The following MFRP variants were observed in gnomAD, a reference collection of about 807,000 sequenced individuals.
MFRP encodes the protein C1q and TNF related 5.
Under a neutral mutation model 65.8 loss-of-function variants are expected in MFRP, and 74 were observed. That is an observed-to-expected ratio of 1.12 (90% CI 0.93 to 1.36). The LOEUF is 1.36. Ranked by LOEUF, MFRP falls within the 40% of genes most tolerant of loss-of-function variation. The probability of loss-of-function intolerance (pLI) is 0.00; values close to 1 mark genes in which losing one functional copy is unlikely to be tolerated. For missense variants in MFRP, 838 were observed against 736.0 expected, an observed-to-expected ratio of 1.14 and a Z score of -1.60; for synonymous variants, 336 against 288.3, an observed-to-expected ratio of 1.17 and a Z score of -1.68.
rs779284947 is a variant in MFRP, at chr11:119,346,362, T to A, written c.67A>T (p.Asn23Tyr). 1.7e-5 allele frequency: 27 copies of A among 1,613,908 alleles called. No homozygotes were observed. The highest frequency in any genetic ancestry group is 2.3e-5 in the Non-Finnish European group (27 of 1,179,998). The change falls in exon 2 of 15, where the codon AAT becomes TAT. Residue 23 changes from asparagine to tyrosine, a missense_variant. By Grantham distance (143) the Asn-to-Tyr change is moderately radical. Coordinates refer to ENST00000619721, the MANE Select transcript of MFRP (RefSeq NM_031433.4). Reference sequence around the variant, plus strand: ...CCAGACTCAGGCTCGAAGGCAGGATTGCAGAACTCGGTCTGGAAGGGGGAG... The same window carrying A: ...CCAGACTCAGGCTCGAAGGCAGGATAGCAGAACTCGGTCTGGAAGGGGGAG... ...ATESSKTEFC[N>Y]PAFEPESGPP...
chr11:119,344,980 G>C lies in MFRP; in HGVS notation c.666C>G (p.Pro222=), dbSNP rs765386106. 2.1e-5 allele frequency: 34 copies of C among 1,607,078 alleles called. No homozygotes were observed. In the African/African-American group the frequency reaches 2.5e-4, roughly 12 times the overall value. ...GGTGGCTGGCATTGGTGTTGAGCGT[G>C]GGGGGAGGCACCCTTCCACAAACCC... ...LLRVCGRVPP[P]TLNTNASHLL... Residue 222 remains proline, a synonymous_variant, in exon 6 of 15, where the codon CCC becomes CCG. Coordinates refer to ENST00000619721, the MANE Select transcript of MFRP (RefSeq NM_031433.4).
At position 119,341,683 on chromosome 11, in the gene MFRP, C is replaced by T; in HGVS notation, c.1605G>A (p.Leu535=). The change falls in exon 13 of 15, where the codon CTG becomes CTA. Residue 535 remains leucine, a synonymous_variant. Transcript: ENST00000619721. ...VPRCTPLGSV[L]PPCRSVCQEA... Reference sequence around the variant, plus strand: ...CCTGGCAGACAGAGCGGCAAGGGGGCAGAACACTGCCTAGTGGGGTGCAAC... The same window carrying T: ...CCTGGCAGACAGAGCGGCAAGGGGGTAGAACACTGCCTAGTGGGGTGCAAC... 6.2e-7 allele frequency: 1 copy of T among 1,613,106 alleles called. No homozygotes were observed. Among genetic ancestry groups the T allele is most frequent in the South Asian group, 1.1e-5 (1 of 91,086 alleles).
chr11:119,343,077 T>C, intron 9 of MFRP, 74 bp from the exon 10 acceptor site: 1 of 1,535,940 alleles, frequency 6.5e-7, no homozygotes, highest in East Asian at 2.4e-5. Flanking sequence ...CCCACAGGCC[T>C]GGCTCTGAGC....
chr11:119,340,133 G>A (rs2135365175), intron 14 of MFRP, 51 bp downstream of exon 14: 1 of 1,488,278 alleles, frequency 6.7e-7, no homozygotes, highest in Non-Finnish European at 8.9e-7. Context: ...TGGAGCTGCG[G>A]CCGCGCCTGC....
rs1375569297 is a variant in MFRP, at chr11:119,344,384, C to T, written c.906G>A (p.Gly302=). ...TGCCCTGGAGGCCAGTCAGATTCCC[C>T]CCACACCCTGTAGAGAGGTGGAAGG... ...TNCSAKFSGC[G]GNLTGLQGTF... is the part of the protein sequence containing the mutation. Residue 302 remains glycine, a synonymous_variant, in exon 8 of 15, where the codon GGG becomes GGA. Transcript: ENST00000619721. The T allele has an allele frequency of 2.5e-6, 4 of 1,613,594 alleles. No homozygotes were observed. The highest frequency in any genetic ancestry group is 2.2e-5 in the South Asian group (2 of 91,036).
At position 119,346,500 on chromosome 11, in the gene MFRP, G is replaced by A. The variant is rs1242255514; in HGVS notation, c.14C>T (p.Ser5Leu). 6.2e-7 allele frequency: 1 copy of A among 1,614,094 alleles called. No individual in the cohort carries two copies. The highest frequency in any genetic ancestry group is 2.2e-5 in the East Asian group (1 of 44,886). Reference sequence around the variant, plus strand: ...TGCCTCCATGCAGAGGATGACATCTGAGAAGTCCTTCATGGCACAAGGCTC... The same window carrying A: ...TGCCTCCATGCAGAGGATGACATCTAAGAAGTCCTTCATGGCACAAGGCTC... MKDFSDVILCMEATE... is the reference protein window; with the variant it reads MKDFLDVILCMEATE... The change falls in exon 1 of 15, where the codon TCA becomes TTA. Residue 5 changes from serine to leucine, a missense_variant. Transcript: ENST00000619721.
chr11:119,346,631 G>T lies in MFRP; in HGVS notation c.-118C>A, dbSNP rs955223431. On this transcript the variant is annotated 5_prime_UTR_variant, in exon 1 of 15. Transcript: ENST00000619721. ...GCAGCCTCTACTACCCGAGGGAAAA[G>T]GCTGCCAGGCTAGACCAGTTCTTGG... The T allele has an allele frequency of 3.3e-5, 34 of 1,026,796 alleles. No homozygotes were observed. The highest frequency in any genetic ancestry group is 4.8e-5 in the Non-Finnish European group (32 of 660,390). 63.6% of individuals were successfully genotyped at this position (1,026,796 alleles called of 1,614,324 possible).
chr11:119,341,784 G>T lies in MFRP; in HGVS notation c.1516-12C>A. ...AGGCTTGTCAGGCTCTGCGGAGGGA[G>T]AGTGGCCTTCAGGCACCTGCTCCCA... On this transcript the variant is annotated splice_polypyrimidine_tract_variant and intron_variant, in intron 12 of 14. Coordinates refer to ENST00000619721, the MANE Select transcript of MFRP (RefSeq NM_031433.4). 1 of 1,613,238 alleles carries T rather than the reference G, an allele frequency of 6.2e-7. No individual in the cohort carries two copies. The highest frequency in any genetic ancestry group is 8.5e-7 in the Non-Finnish European group (1 of 1,179,976).
At chr11:119,345,265 T>A (rs370697811) in intron 5 of MFRP, among the ~76,000 whole-genome samples, 155 bp downstream of exon 5, 1 of 152,220 alleles carries the variant, frequency 6.6e-6, no homozygotes, top group African/African-American at 2.4e-5. Context: ...GTGATCTTCC[T>A]CACGGCACAC....
Position 119,344,979 on chromosome 11 carries a change from TG to T in MFRP, c.666del (p.Thr223ArgfsTer83), listed in dbSNP as rs1435204327. The T allele has an allele frequency of 3.1e-6, 5 of 1,607,030 alleles. No individual in the cohort carries two copies. The highest frequency in any genetic ancestry group is 1.7e-5 in the Admixed American group (1 of 58,716). ...LLRVCGRVPPPTLNTNASHLL... is the reference protein window; with the variant it reads ...LLRVCGRVPPXTLNTNASHLL... ...AGGTGGCTGGCATTGGTGTTGAGCGTGGGGGGAGGCACCCTTCCACAAACCC... is the reference window on the plus strand; with the variant it reads ...AGGTGGCTGGCATTGGTGTTGAGCGTGGGGGAGGCACCCTTCCACAAACCC... On this transcript the variant is annotated frameshift_variant, in exon 6 of 15. Transcript: ENST00000619721. LOFTEE classifies it high-confidence loss of function.
In MFRP at chr11:119,341,868, TGAG is replaced by T. The variant is rs759673311; in HGVS notation, c.1501_1503del (p.Leu501del). On this transcript the variant is annotated inframe_deletion, in exon 12 of 15. Transcript: ENST00000619721. ...TCCACCCAGAAGACCTTGTAACCGC[TGAG>T]GACCTCTACCACCTCCTCCTGGGTG... 6.2e-7 allele frequency: 1 copy of T among 1,613,538 alleles called. No homozygotes were observed. The highest frequency in any genetic ancestry group is 1.1e-5 in the South Asian group (1 of 91,064).
chr11:119,339,823 G>A lies in MFRP; in HGVS notation c.*1136C>T, dbSNP rs1950481374. ...CGGGTCCCGCCTCTCCTCGCGGCCCGGGGTCCCCTCGAGGTCCCGGCAGTC... is the reference window on the plus strand; with the variant it reads ...CGGGTCCCGCCTCTCCTCGCGGCCCAGGGTCCCCTCGAGGTCCCGGCAGTC... On this transcript the variant is annotated 3_prime_UTR_variant, in exon 15 of 15. Coordinates refer to ENST00000619721, the MANE Select transcript of MFRP (RefSeq NM_031433.4). The surrounding 1 kb of genome is among the most constrained non-coding windows in gnomAD (Gnocchi z 5.4). 6.6e-7 allele frequency: 1 copy of A among 1,514,152 alleles called. No homozygotes were observed. The highest frequency in any genetic ancestry group is 8.8e-7 in the Non-Finnish European group (1 of 1,137,706). The allele number at this position is 1,514,152 out of a possible 1,614,324, so 93.8% of individuals were successfully genotyped here.
At chr11:119,342,059 C>T in intron 11 of MFRP, 75 bp from the exon 12 acceptor site, 3 of 1,591,146 alleles carry the variant, frequency 1.9e-6, no homozygotes, top group Middle Eastern at 1.7e-4. Flanking sequence ...CACCGAATCG[C>T]TCGGTCCTGT....
In MFRP at chr11:119,346,534, T is replaced by G. The variant is rs1565296637; in HGVS notation, c.-21A>C. 6.2e-7 allele frequency: 1 copy of G among 1,613,532 alleles called. No homozygotes were observed. ...TTCATGGCACAAGGCTCTGCATGGCTTTCTGGAGTCCCTGTGACAGCCCAA... is the reference window on the plus strand; with the variant it reads ...TTCATGGCACAAGGCTCTGCATGGCGTTCTGGAGTCCCTGTGACAGCCCAA... On this transcript the variant is annotated 5_prime_UTR_variant, in exon 1 of 15. Coordinates refer to ENST00000619721, the MANE Select transcript of MFRP (RefSeq NM_031433.4).
At chr11:119,342,053 G>T (rs1045464602) in intron 11 of MFRP, 69 bp from the exon 12 acceptor site, 12 of 1,596,126 alleles carry the variant, frequency 7.5e-6, no homozygotes, top group African/African-American at 1.3e-5. Flanking sequence ...GCAAGTCACC[G>T]AATCGCTCGG....
Position 119,344,882 on chromosome 11 carries a change from GGGGCCATAGCCT to G in MFRP, c.752_763del (p.Gln251_Ala254del). ...GGTGGGAACACACTCACCGCGCCCA[GGGGCCATAGCCT>G]GGTACCAGGCATGGAAACCAAATCC... On this transcript the variant is annotated inframe_deletion, in exon 6 of 15. Transcript: ENST00000619721. 3.7e-6 allele frequency: 6 copies of G among 1,613,192 alleles called. No individual in the cohort carries two copies. The highest frequency in any genetic ancestry group is 5.1e-6 in the Non-Finnish European group (6 of 1,179,960).
Position 119,340,274 on chromosome 11 carries a change from C to T in MFRP, c.*1020G>A. The T allele has an allele frequency of 6.5e-7, 1 of 1,528,538 alleles. No homozygotes were observed. Among genetic ancestry groups the T allele is most frequent in the Non-Finnish European group, 8.8e-7 (1 of 1,139,790 alleles). The allele number at this position is 1,528,538 out of a possible 1,614,324, so 94.7% of individuals were successfully genotyped here. ...TCGCGGCCCGGCAAGCCCTGGCTGC[C>T]ATGGTGGCCCGGCGTGCCTGGAAGG... On this transcript the variant is annotated 3_prime_UTR_variant, in exon 14 of 15. Transcript: ENST00000619721.
intron 13 of MFRP, 121 bp downstream of exon 13, chr11:119,340,574 C>A: frequency 1.5e-6 from 1 of 655,316 alleles, no homozygotes; most frequent in Non-Finnish European, 2.5e-6. Context: ...GCCGAGCATC[C>A]GGAGAGCACA....
chr11:119,345,710 T>G (rs1950557491), intron 4 of MFRP, 63 bp downstream of exon 4: 2 of 1,611,546 alleles, frequency 1.2e-6, no homozygotes, highest in Non-Finnish European at 1.7e-6. Flanking sequence ...TTCCTCACCC[T>G]CCCCTCAACC....
Sources: gnomAD v4.1 joint callset for allele counts (sites outside exome capture counted in the v4.1 genomes callset) on GRCh38, gnomAD v4.1.1 for gene constraint, Gnocchi (gnomAD v3.1) non-coding constraint, MANE v1.5 for transcripts, NCBI Gene and HGNC (gene_info 2026-07-23, HGNC 2026-07-21) for gene names.